Variants in KATNIP observed in about 807,000 individuals in gnomAD.
The protein encoded by KATNIP is katanin-interacting protein.
In KATNIP, 126 loss-of-function variants were observed where a neutral mutation model predicts 174.0. The ratio of observed to expected loss-of-function variants is 0.72; its 90% CI spans 0.63 to 0.84. The LOEUF (loss-of-function observed/expected upper bound fraction) is 0.84, where lower values mean the gene tolerates loss of function less well. Among genes scored for constraint, KATNIP ranks in the 40% least tolerant of loss-of-function variants. The pLI, the probability that KATNIP is intolerant of heterozygous loss-of-function variation, is 0.00. For missense variants in KATNIP, 1,958 were observed against 2,109.7 expected, an observed-to-expected ratio of 0.93 and a Z score of 1.41; for synonymous variants, 810 against 835.7, an observed-to-expected ratio of 0.97 and a Z score of 0.53.
chr16:27,660,069 C>T (rs559078428), intron 6 of KATNIP: 20 of 932,536 alleles, frequency 2.1e-5, no homozygotes, highest in East Asian at 2.3e-4. Context: ...TGACAGATTC[C>T]GCAAGCCTGG....
At chr16:27,560,989 C>T (rs979787019) in intron 1 of KATNIP, among the ~76,000 whole-genome samples, 3 of 151,816 alleles carry the variant, frequency 2.0e-5, no homozygotes, top group East Asian at 1.9e-4. Flanking sequence ...TTCCAGGGAC[C>T]GTGGCTGCAT....
At chr16:27,613,407 G>A (rs2075953870) in intron 2 of KATNIP, among the ~76,000 whole-genome samples, 1 of 152,238 alleles carries the variant, frequency 6.6e-6, no homozygotes, top group South Asian at 2.1e-4. Flanking sequence ...CCTGGCAAAG[G>A]AGGATCGATG....
rs981226397 is a variant in KATNIP, at chr16:27,641,952, C to T, written c.409-6652C>T. 4.6e-5 allele frequency among the ~76,000 whole-genome samples: 7 copies of T among 152,366 alleles called. No individual in the cohort carries two copies. In the South Asian group the frequency reaches 1.5e-3, roughly 32 times the overall value. On this transcript the variant is annotated intron_variant, in intron 5 of 27. Transcript: ENST00000261588. The stretch of plus-strand genomic sequence containing the variant: ...AGCTCCTCAGGCCTGGGCCCCGTGC[C>T]CCGTGGTCCCTCCTCCTTGCCCCTT...
At chr16:27,658,993 C>T (rs1052094148) in intron 6 of KATNIP, among the ~76,000 whole-genome samples, 12 of 151,648 alleles carry the variant, frequency 7.9e-5, no homozygotes, top group African/African-American at 2.9e-4. Flanking sequence ...TCTCAAACTT[C>T]TAACCTCAAG....
Position 27,637,345 on chromosome 16 carries a change from A to G in KATNIP, c.408+6183A>G, listed in dbSNP as rs944205374. ...ACTTACAGATGCCGGGTTCCAAGCA[A>G]TAAGTGAGGCCAGCCCTGCTCTCCT... On this transcript the variant is annotated intron_variant, in intron 5 of 27. Coordinates refer to ENST00000261588, the MANE Select transcript of KATNIP (RefSeq NM_015202.5). The surrounding 1 kb of genome is among the most constrained non-coding windows in gnomAD (Gnocchi z 4.7). Among the ~76,000 whole-genome samples, 3 of 152,164 alleles carry G rather than the reference A, an allele frequency of 2.0e-5. No individual in the cohort carries two copies. The highest frequency in any genetic ancestry group is 4.8e-5 in the African/African-American group (2 of 41,444).
chr16:27,741,015 C>G (rs1207208607), intron 15 of KATNIP, 95 bp downstream of exon 15: 3 of 1,252,156 alleles, frequency 2.4e-6, no homozygotes, highest in African/African-American at 3.0e-5. Context: ...GTTTCCTTAT[C>G]TGCACAACAA....
chr16:27,749,790 G>C lies in KATNIP; in HGVS notation c.2830G>C (p.Gly944Arg). The C allele has an allele frequency of 6.2e-7, 1 of 1,610,506 alleles. No homozygotes were observed. The highest frequency in any genetic ancestry group is 8.5e-7 in the Non-Finnish European group (1 of 1,177,752). Residue 944 changes from glycine (G) to arginine (R), a missense_variant, in exon 16 of 28, where the codon GGG becomes CGG. Coordinates refer to ENST00000261588, the MANE Select transcript of KATNIP (RefSeq NM_015202.5). ...RHSDLPPSKKGEQPGLSRGQD... is the reference protein window; with the variant it reads ...RHSDLPPSKKREQPGLSRGQD... ...CAGCGACTTGCCCCCCTCCAAGAAG[G>C]GGGAGCAGCCAGGGCTGTCGAGAGG...
intron 6 of KATNIP, among the ~76,000 whole-genome samples, chr16:27,656,619 A>G (rs1016760208): frequency 3.3e-5 from 5 of 150,826 alleles, no homozygotes; most frequent in South Asian, 2.1e-4. Context: ...ATAAAAAATG[A>G]TGAGTTCATG....
At chr16:27,667,497 G>T (rs1345511411) in intron 6 of KATNIP, among the ~76,000 whole-genome samples, 2 of 152,100 alleles carry the variant, frequency 1.3e-5, no homozygotes, top group Non-Finnish European at 2.9e-5. Flanking sequence ...AGCAATATAT[G>T]CCAGACTCAA....
intron 6 of KATNIP, among the ~76,000 whole-genome samples, chr16:27,649,322 C>T (rs2077054379): frequency 6.6e-6 from 1 of 152,236 alleles, no homozygotes; most frequent in Admixed American, 6.5e-5. Flanking sequence ...TTTTACTCCC[C>T]ATCCTCAGAT....
chr16:27,618,102 G>C (rs2076092039), intron 2 of KATNIP, among the ~76,000 whole-genome samples: 1 of 152,160 alleles, frequency 6.6e-6, no homozygotes, highest in Non-Finnish European at 1.5e-5. Flanking sequence ...TAACTAAATA[G>C]TGAGTGTTGA....
At chr16:27,640,224 G>A (rs2076751798) in intron 5 of KATNIP, among the ~76,000 whole-genome samples, 1 of 152,230 alleles carries the variant, frequency 6.6e-6, no homozygotes, top group East Asian at 1.9e-4. Flanking sequence ...GATTGATACT[G>A]CAAGGGTCTA....
chr16:27,560,551 T>C (rs774086072), intron 1 of KATNIP, among the ~76,000 whole-genome samples: 6 of 152,122 alleles, frequency 3.9e-5, no homozygotes, highest in Admixed American at 1.3e-4. Flanking sequence ...CCCGAGACAC[T>C]TGGGGAGGTT....
At chr16:27,609,602 G>A (rs1237789860) in intron 2 of KATNIP, among the ~76,000 whole-genome samples, 3 of 151,230 alleles carry the variant, frequency 2.0e-5, no homozygotes, top group African/African-American at 7.3e-5. Flanking sequence ...GTGTTAGCCA[G>A]GGTGGTCTCG....
intron 1 of KATNIP, among the ~76,000 whole-genome samples, chr16:27,558,728 G>A (rs958622234): frequency 2.6e-5 from 4 of 152,142 alleles, no homozygotes; most frequent in African/African-American, 4.8e-5. Context: ...TGTGGCCCAC[G>A]GGCCAAAAAT....
At chr16:27,659,610 A>G (rs1449731605) in intron 6 of KATNIP, among the ~76,000 whole-genome samples, 3 of 152,200 alleles carry the variant, frequency 2.0e-5, no homozygotes, top group South Asian at 4.1e-4. Context: ...ATATGTACCC[A>G]TCCTATTTGG....
intron 14 of KATNIP, among the ~76,000 whole-genome samples, chr16:27,736,848 C>T (rs1023580084): frequency 1.3e-5 from 2 of 152,114 alleles, no homozygotes; most frequent in South Asian, 2.1e-4. Context: ...AACTAGGAGG[C>T]GATGGTGGTG....
intron 1 of KATNIP, among the ~76,000 whole-genome samples, chr16:27,564,828 AT>A (rs1381676756): frequency 6.6e-6 from 1 of 151,678 alleles, no homozygotes; most frequent in Admixed American, 6.6e-5. Context: ...TAATGGCGCA[AT>A]CTCAGCTCAC....
chr16:27,558,265 C>T (rs915995540), intron 1 of KATNIP, among the ~76,000 whole-genome samples: 1 of 152,142 alleles, frequency 6.6e-6, no homozygotes, highest in African/African-American at 2.4e-5. Flanking sequence ...CCTGCCTCAG[C>T]CTCCTAAGTA....
Sources: gnomAD v4.1 joint callset for allele counts (sites outside exome capture counted in the v4.1 genomes callset) on GRCh38, gnomAD v4.1.1 for gene constraint, Gnocchi (gnomAD v3.1) non-coding constraint, MANE v1.5 for transcripts, NCBI Gene and HGNC (gene_info 2026-07-23, HGNC 2026-07-21) for gene names.